Variants in USP6 observed in about 807,000 individuals in gnomAD.
USP6 encodes ubiquitin specific peptidase 6.
In USP6, 128 loss-of-function variants were observed where a neutral mutation model predicts 175.7. That is an observed-to-expected ratio of 0.73 (90% CI 0.63 to 0.84). The LOEUF (loss-of-function observed/expected upper bound fraction) is 0.84, where lower values mean the gene tolerates loss of function less well. USP6 is among the 40% of genes least tolerant of loss of function. USP6 has a pLI of 0.00. For missense variants in USP6, 1,498 were observed against 1,760.3 expected (o/e 0.85, Z 2.67); for synonymous variants, 562 against 630.6 (o/e 0.89, Z 1.63).
At chr17:5,134,234 A>G (rs2073179136) in intron 15 of USP6, 1 of 532,460 alleles carries the variant, frequency 1.9e-6, no homozygotes, top group South Asian at 2.1e-5. Context: ...GAAAACAGCA[A>G]AGAAAATCAC....
At chr17:5,157,147 GTGATCT>G (rs1240979362) in intron 31 of USP6, among the ~76,000 whole-genome samples, 2 of 152,034 alleles carry the variant, frequency 1.3e-5, no homozygotes, top group Non-Finnish European at 2.9e-5. Context: ...GTGCAGTGGT[GTGATCT>G]TGGCTCAACG....
intron 36 of USP6, among the ~76,000 whole-genome samples, 170 bp from the exon 37 acceptor site, chr17:5,171,417 T>C (rs1488263605): frequency 2.0e-5 from 3 of 152,186 alleles, no homozygotes; most frequent in African/African-American, 7.2e-5. Flanking sequence ...CTTATGACTT[T>C]TGTATTTTGC....
At chr17:5,153,800 C>T (rs1259708321) in intron 30 of USP6, among the ~76,000 whole-genome samples, 7 of 152,230 alleles carry the variant, frequency 4.6e-5, no homozygotes, top group African/African-American at 1.2e-4. Context: ...GGACTACAGG[C>T]GCGTGCCACC....
chr17:5,120,271 TGGGGGCAAGGC>T (rs1195817827), intron 2 of USP6, among the ~76,000 whole-genome samples: 1 of 150,478 alleles, frequency 6.6e-6, no homozygotes, highest in African/African-American at 2.5e-5. Flanking sequence ...GGGTTGGTGG[TGGGGGCAAGGC>T]AGTGGTGGGG....
At chr17:5,139,105 A>G (rs1423706638) in intron 21 of USP6, 150 bp from the exon 22 acceptor site, 3 of 1,596,162 alleles carry the variant, frequency 1.9e-6, no homozygotes, top group Non-Finnish European at 2.5e-6. Context: ...TCCCTCTGGG[A>G]TCAGCAGACT....
chr17:5,136,764 A>C (rs1227302106), intron 18 of USP6, 30 bp downstream of exon 18: 3 of 1,608,454 alleles, frequency 1.9e-6, no homozygotes, highest in South Asian at 1.1e-5. Context: ...GGCTCTTCTC[A>C]GAGGCCCTGC....
rs951316824 is a variant in USP6, at chr17:5,132,615, A to G, written c.195+180A>G. On this transcript the variant is annotated intron_variant, in intron 12 of 37. Transcript: ENST00000574788. This position sits in a 1 kb window ranked among gnomAD's most constrained non-coding sequence, Gnocchi z 4.7. ...AACTTTGGCAGTTTGATAAAATTCC[A>G]AAGTGAGAACCACAGTCCTGGCTTG... Among the ~76,000 whole-genome samples, 1 of 152,190 alleles carries G rather than the reference A, an allele frequency of 6.6e-6. No homozygotes were observed. The highest frequency in any genetic ancestry group is 1.5e-5 in the Non-Finnish European group (1 of 68,024).
At position 5,155,924 on chromosome 17, in the gene USP6, C is replaced by T. The variant is rs3867175; in HGVS notation, c.2828+318C>T. 7.3e-3 allele frequency among the ~76,000 whole-genome samples: 1,115 copies of T among 152,238 alleles called. 21 individuals carry two copies. The highest frequency in any genetic ancestry group is 0.025 in the African/African-American group (1,030 of 41,540). Reference sequence around the variant, plus strand: ...TTTGCCTGGATTCGTCCTGCTAATGCTTCAAGTAATATCCTTGTCTTCTGT... The same window carrying T: ...TTTGCCTGGATTCGTCCTGCTAATGTTTCAAGTAATATCCTTGTCTTCTGT... On this transcript the variant is annotated intron_variant, in intron 31 of 37. Transcript: ENST00000574788.
chr17:5,164,203 T>C (rs1173191554), intron 33 of USP6, among the ~76,000 whole-genome samples: 1 of 152,240 alleles, frequency 6.6e-6, no homozygotes, highest in East Asian at 1.9e-4. Context: ...TAACTGACTT[T>C]TCTGTCTTGT....
chr17:5,145,362 CT>C (rs1308562618), intron 26 of USP6, 42 bp from the exon 27 acceptor site: 2 of 1,530,358 alleles, frequency 1.3e-6, no homozygotes, highest in Admixed American at 2.1e-5. Flanking sequence ...AAATGCCTCT[CT>C]TTTGGATTTT....
At chr17:5,118,172 G>GT (rs2072576947) in intron 1 of USP6, 28 bp from the exon 2 acceptor site, 1 of 152,348 alleles carries the variant, frequency 6.6e-6, no homozygotes, top group South Asian at 2.1e-4. Flanking sequence ...AGGGATGGTA[G>GT]TGACAGTCTT....
intron 25 of USP6, among the ~76,000 whole-genome samples, chr17:5,144,026 C>T (rs2073535093): frequency 6.6e-6 from 1 of 152,012 alleles, no homozygotes; most frequent in African/African-American, 2.4e-5. Flanking sequence ...TAGGATTATT[C>T]ATTATTTTTA....
chr17:5,168,685 A>C, intron 34 of USP6, 82 bp from the exon 35 acceptor site: 1 of 1,455,896 alleles, frequency 6.9e-7, no homozygotes, highest in Non-Finnish European at 9.2e-7. Flanking sequence ...AAACATTCAC[A>C]TGTATTTGAC....
chr17:5,130,482 C>T lies in USP6; in HGVS notation c.72+43C>T, dbSNP rs138237036. On this transcript the variant is annotated intron_variant, in intron 10 of 37. Transcript: ENST00000574788. ...CCTTGGAGGGAGGCCTCTTCCAGTG[C>T]GCCCTGGTCAAAGGGTCCTGGGTTC... The T allele has an allele frequency of 1.0e-3, 1,644 of 1,612,300 alleles. 17 individuals carry two copies. In the African/African-American group the frequency reaches 0.018, roughly 18 times the overall value.
At chr17:5,169,134 A>C in intron 35 of USP6, 79 bp downstream of exon 35, 1 of 1,444,048 alleles carries the variant, frequency 6.9e-7, no homozygotes, top group South Asian at 1.6e-5. Context: ...TCTGTTCTGG[A>C]ACATCAGGTT....
At chr17:5,133,690 C>T in intron 14 of USP6, 140 bp downstream of exon 14, 1 of 1,159,602 alleles carries the variant, frequency 8.6e-7, no homozygotes, top group Non-Finnish European at 1.3e-6. Context: ...TGGACGGTGA[C>T]ACAGTCACCA....
chr17:5,161,153 C>T (rs969853700), intron 31 of USP6, among the ~76,000 whole-genome samples: 39 of 152,208 alleles, frequency 2.6e-4, no homozygotes, highest in African/African-American at 9.2e-4. Flanking sequence ...TGCAATGTGT[C>T]AGTGTTCTTG....
chr17:5,143,495 C>T (rs2073514394), intron 25 of USP6, among the ~76,000 whole-genome samples: 2 of 151,494 alleles, frequency 1.3e-5, no homozygotes, highest in South Asian at 4.1e-4. Flanking sequence ...TGTGTCCACT[C>T]AGGGTTAAAT....
At chr17:5,159,482 CA>C (rs1357125059) in intron 31 of USP6, among the ~76,000 whole-genome samples, 1 of 152,064 alleles carries the variant, frequency 6.6e-6, no homozygotes, top group African/African-American at 2.4e-5. Context: ...CTAGGTGCTG[CA>C]ATCTGTAGTG....
Sources: allele counts gnomAD v4.1 joint callset (sites outside exome capture counted in the v4.1 genomes callset), GRCh38; gene constraint gnomAD v4.1.1; non-coding constraint Gnocchi (gnomAD v3.1); transcripts MANE v1.5; gene names NCBI Gene and HGNC (gene_info 2026-07-23, HGNC 2026-07-21).